The following DENND4A variants were observed in gnomAD, a reference collection of about 807,000 sequenced individuals.
DENND4A encodes DENN domain containing 4A, also known as C-myc promoter-binding protein.
A neutral mutation model predicts 199.3 loss-of-function variants in DENND4A; 70 were observed. The ratio of observed to expected loss-of-function variants is 0.35; its 90% CI spans 0.29 to 0.43. The LOEUF (loss-of-function observed/expected upper bound fraction) is 0.43, where lower values mean the gene tolerates loss of function less well. DENND4A is among the 20% of genes least tolerant of loss of function. DENND4A has a pLI of 1.00. For missense variants in DENND4A, 1,723 were observed against 2,255.8 expected, an observed-to-expected ratio of 0.76 and a Z score of 4.78; for synonymous variants, 686 against 766.9, an observed-to-expected ratio of 0.89 and a Z score of 1.74.
chr15:65,679,226 C>T (rs1035500407), intron 23 of DENND4A, among the ~76,000 whole-genome samples: 1 of 152,000 alleles, frequency 6.6e-6, no homozygotes, highest in Admixed American at 6.6e-5. Context: ...CTCAGCCTCC[C>T]GGGTAGCTGG....
intron 13 of DENND4A, among the ~76,000 whole-genome samples, chr15:65,717,545 T>C (rs909523803): frequency 1.3e-5 from 2 of 152,168 alleles, no homozygotes; most frequent in Non-Finnish European, 2.9e-5. Context: ...AGTCGGTATA[T>C]GGTTGGGAGG....
Position 65,700,668 on chromosome 15 carries a change from G to A in DENND4A, c.2709C>T (p.Gly903=), listed in dbSNP as rs1221963119. 2 of 1,535,852 alleles carry A rather than the reference G, an allele frequency of 1.3e-6. No individual in the cohort carries two copies. The highest frequency in any genetic ancestry group is 4.3e-5 in the Admixed American group (2 of 46,518). ...CATGACTAACAGCATCCAGGTCACTGCCATCTGCTTAAGAACACAATTTGA... is the reference window on the plus strand; with the variant it reads ...CATGACTAACAGCATCCAGGTCACTACCATCTGCTTAAGAACACAATTTGA... The part of the protein sequence containing the change: ...HLSQTTLSAD[G]SDLDAVSHGS... The change falls in exon 20 of 33, where the codon GGC becomes GGT. Residue 903 remains glycine (G), a synonymous_variant. Transcript: ENST00000443035.
intron 14 of DENND4A, among the ~76,000 whole-genome samples, chr15:65,713,556 A>C (rs1410880248): frequency 5.3e-5 from 8 of 152,370 alleles, no homozygotes; most frequent in African/African-American, 1.9e-4. Context: ...ACTATGTAAG[A>C]TCCTGCTTCT....
rs748337629 is a variant in DENND4A at position 65,715,507 on chromosome 15, G to A, written c.1924C>T (p.Leu642=). 10 of 1,611,140 alleles carry A rather than the reference G, an allele frequency of 6.2e-6. No homozygotes were observed. Among genetic ancestry groups the A allele is most frequent in the Non-Finnish European group, 7.6e-6 (9 of 1,179,286 alleles). Residue 642 remains leucine (L), a synonymous_variant, in exon 14 of 33, where the codon CTG becomes TTG. Transcript: ENST00000443035. ...TCTACACAATCATCAAAAAATGCCA[G>A]GCTTGCATCTTTGTCACTAACAAAA... is the stretch of plus-strand genomic sequence containing the variant. ...CSFVSDKDAS[L]AFFDDCVDKV...
intron 1 of DENND4A, among the ~76,000 whole-genome samples, chr15:65,790,739 G>A (rs2077694250): frequency 6.6e-6 from 1 of 152,134 alleles, no homozygotes; most frequent in Admixed American, 6.5e-5. Context: ...GGTTCAAACA[G>A]CTCAGAAATT....
intron 21 of DENND4A, 147 bp downstream of exon 21, chr15:65,697,120 T>C: frequency 1.7e-6 from 1 of 580,850 alleles, no homozygotes; most frequent in African/African-American, 1.9e-5. Flanking sequence ...TGAGAGTATG[T>C]GGTGGCTGAG....
intron 2 of DENND4A, 83 bp from the exon 3 acceptor site, chr15:65,756,555 A>C (rs1380266592): frequency 2.0e-6 from 2 of 989,310 alleles, no homozygotes; most frequent in Non-Finnish European, 2.9e-6. Context: ...AGAACAAAAA[A>C]CTACAAAAAG....
At chr15:65,687,494 T>C (rs1330313130) in intron 23 of DENND4A, among the ~76,000 whole-genome samples, 1 of 152,194 alleles carries the variant, frequency 6.6e-6, no homozygotes, top group African/African-American at 2.4e-5. Flanking sequence ...AAGATGCAGG[T>C]TTCTCTTTGG....
intron 7 of DENND4A, among the ~76,000 whole-genome samples, chr15:65,736,413 C>A (rs137995146): frequency 6.7e-6 from 1 of 150,084 alleles, no homozygotes; most frequent in African/African-American, 2.5e-5. Context: ...GTGCCCACAA[C>A]CACAGCTGGC....
Position 65,697,352 on chromosome 15 carries a change from T to C in DENND4A, c.2865A>G (p.Leu955=). ...GGQSDLGYNS[L]SKDEVRRGDT... Reference sequence around the variant, plus strand: ...CCCCTCTTCTAACTTCATCTTTAGATAATGAATTATATCCAAGATCAGACT... The same window carrying C: ...CCCCTCTTCTAACTTCATCTTTAGACAATGAATTATATCCAAGATCAGACT... Residue 955 remains leucine (L), a synonymous_variant, in exon 21 of 33, where the codon TTA becomes TTG. Coordinates refer to ENST00000443035, the MANE Select transcript of DENND4A (RefSeq NM_001320835.1). 1 of 1,605,724 alleles carries C rather than the reference T, an allele frequency of 6.2e-7. No individual in the cohort carries two copies. The highest frequency in any genetic ancestry group is 1.3e-5 in the African/African-American group (1 of 74,700).
chr15:65,725,512 T>TA (rs1198221931), intron 11 of DENND4A, among the ~76,000 whole-genome samples: 4 of 151,750 alleles, frequency 2.6e-5, no homozygotes, highest in Admixed American at 2.6e-4. Flanking sequence ...CCGTCTCTAC[T>TA]AAAAAATTCA....
At position 65,752,586 on chromosome 15, in the gene DENND4A, T is replaced by A; in HGVS notation, c.354A>T (p.Glu118Asp). The change falls in exon 4 of 33, where the codon GAA (glutamate) becomes GAT (aspartate). Residue 118 changes from glutamate (E) to aspartate (D), a missense_variant. By Grantham distance (45) the Glu-to-Asp change is conservative (BLOSUM62 2). Around this residue, in one of 6 missense-constraint regions of DENND4A, gnomAD observed 725 missense variants for 952.9 expected, o/e 0.76. Coordinates refer to ENST00000443035, the MANE Select transcript of DENND4A (RefSeq NM_001320835.1). The part of the protein sequence containing the change: ...DWKERLKQGC[E>D]IIQSTPYGRP... ...GCCCATAGGGAGTACTCTGAATAAT[T>A]TCACAACCCTGTTTCAATCTTTCTT... The A allele has an allele frequency of 1.3e-6, 2 of 1,590,556 alleles. No individual in the cohort carries two copies. The highest frequency in any genetic ancestry group is 1.7e-6 in the Non-Finnish European group (2 of 1,165,692).
At chr15:65,706,302 T>C in intron 14 of DENND4A, 78 bp from the exon 15 acceptor site, 1 of 1,317,568 alleles carries the variant, frequency 7.6e-7, no homozygotes, top group Non-Finnish European at 9.9e-7. Context: ...AGTGGTTAAA[T>C]AAACCATCTG....
intron 14 of DENND4A, among the ~76,000 whole-genome samples, chr15:65,713,733 A>G (rs1042875101): frequency 6.6e-6 from 1 of 152,188 alleles, no homozygotes; most frequent in African/African-American, 2.4e-5. Flanking sequence ...ATGTCTCATC[A>G]TTCTTAGAGC....
chr15:65,745,406 T>C (rs2076361961), intron 4 of DENND4A, among the ~76,000 whole-genome samples: 1 of 152,180 alleles, frequency 6.6e-6, no homozygotes, highest in Non-Finnish European at 1.5e-5. Flanking sequence ...GTTGAGATTG[T>C]AGCCTTGGGA....
intron 10 of DENND4A, 109 bp from the exon 11 acceptor site, chr15:65,729,356 G>A (rs2075895195): frequency 7.3e-7 from 1 of 1,375,338 alleles, no homozygotes; most frequent in African/African-American, 1.4e-5. Context: ...CCTAATGCCT[G>A]ATAATGAATG....
Position 65,668,084 on chromosome 15 carries a change from A to T in DENND4A, c.4827T>A (p.Ile1609=), listed in dbSNP as rs1385923525. 1.9e-6 allele frequency: 3 copies of T among 1,591,516 alleles called. No homozygotes were observed. In the East Asian group the frequency reaches 6.8e-5, roughly 36 times the overall value. Residue 1609 remains isoleucine, a synonymous_variant, in exon 28 of 33, where the codon ATT becomes ATA. Coordinates refer to ENST00000443035, the MANE Select transcript of DENND4A (RefSeq NM_001320835.1). ...KLQENFCTRS[I]QIPANRSKTA... ...TTTTTGATCTATTAGCAGGGATCTGAATACTTCGGGTGCAAAAATTTTCCT... is the reference window on the plus strand; with the variant it reads ...TTTTTGATCTATTAGCAGGGATCTGTATACTTCGGGTGCAAAAATTTTCCT...
At chr15:65,700,258 T>G (rs2074817983) in intron 20 of DENND4A, among the ~76,000 whole-genome samples, 1 of 152,072 alleles carries the variant, frequency 6.6e-6, no homozygotes, top group Non-Finnish European at 1.5e-5. Flanking sequence ...AAGAAAATGA[T>G]AGGGTAAACA....
rs965619058 is a variant in DENND4A, at chr15:65,756,478, A to G, written c.-22-6T>C. On this transcript the variant is annotated splice_region_variant and splice_polypyrimidine_tract_variant and intron_variant, in intron 2 of 32. Coordinates refer to ENST00000443035, the MANE Select transcript of DENND4A (RefSeq NM_001320835.1). ...TCCATTACAGAAGGTTACATCTAAA[A>G]GGAAAGTAAAAGACTAGTACTCCCC... The G allele has an allele frequency of 1.3e-6, 2 of 1,563,424 alleles. No individual in the cohort carries two copies. Among genetic ancestry groups the G allele is most frequent in the African/African-American group, 2.7e-5 (2 of 72,830 alleles).
Sources: gnomAD v4.1 joint callset for allele counts (sites outside exome capture counted in the v4.1 genomes callset) on GRCh38, gnomAD v4.1.1 for gene constraint, gnomAD v4.1.1 regional missense constraint, MANE v1.5 for transcripts, NCBI Gene and HGNC (gene_info 2026-07-23, HGNC 2026-07-21) for gene names.